PRMT8: variants seen among roughly 807,000 people sequenced by gnomAD.
PRMT8 encodes the protein protein arginine methyltransferase 8.
In PRMT8, 7 loss-of-function variants were observed where a neutral mutation model predicts 47.1. The ratio of observed to expected loss-of-function variants is 0.15; its 90% CI spans 0.08 to 0.28. PRMT8 has a LOEUF of 0.28. PRMT8 is among the 10% of genes least tolerant of loss of function. PRMT8 has a pLI of 1.00. For synonymous variants in PRMT8, 188 were observed against 186.5 expected (o/e 1.01, Z -0.07); for missense variants, 237 against 505.4 (o/e 0.47, Z 5.09).
chr12:3,592,719 C>T (rs1867334415), intron 9 of PRMT8, among the ~76,000 whole-genome samples: 1 of 152,202 alleles, frequency 6.6e-6, no homozygotes, highest in African/African-American at 2.4e-5. Flanking sequence ...TTCAGCTGGC[C>T]TGGTGCGAGG....
rs1344316099 is a variant in PRMT8 at position 3,449,786 on chromosome 12, T to C, written c.48+68344T>C. On this transcript the variant is annotated intron_variant, in intron 1 of 9. Transcript: ENST00000452611. ...GTTGCAATTGCTTTTGACGTTTTTG[T>C]CATGAAATCTTTGCCCCTGCCTGTG... 4.6e-5 allele frequency among the ~76,000 whole-genome samples: 7 copies of C among 152,234 alleles called. No homozygotes were observed. In the South Asian group the frequency reaches 6.2e-4, roughly 13 times the overall value.
At chr12:3,385,157 G>A (rs2137042635) in intron 1 of PRMT8, among the ~76,000 whole-genome samples, 1 of 152,288 alleles carries the variant, frequency 6.6e-6, no homozygotes, top group East Asian at 1.9e-4. Flanking sequence ...ATGAGACACA[G>A]TGTGCTAATT....
chr12:3,592,390 GC>G, intron 9 of PRMT8, 38 bp downstream of exon 9: 2 of 1,583,694 alleles, frequency 1.3e-6, no homozygotes, highest in Non-Finnish European at 1.7e-6. Flanking sequence ...AGGGAGAAGG[GC>G]CCCACAGAGC....
intron 4 of PRMT8, among the ~76,000 whole-genome samples, chr12:3,560,555 G>A (rs1421995532): frequency 1.3e-5 from 2 of 152,188 alleles, no homozygotes; most frequent in African/African-American, 4.8e-5. Flanking sequence ...TGCTTAAAAA[G>A]GTAGATTCAT....
intron 1 of PRMT8, among the ~76,000 whole-genome samples, chr12:3,386,347 C>T (rs1250399572): frequency 1.3e-5 from 2 of 152,170 alleles, no homozygotes; most frequent in Non-Finnish European, 2.9e-5. Context: ...TGATTTCTTC[C>T]TCATGATAGG....
chr12:3,417,674 T>G (rs901993475), intron 1 of PRMT8, among the ~76,000 whole-genome samples: 3 of 152,204 alleles, frequency 2.0e-5, no homozygotes, highest in Non-Finnish European at 4.4e-5. Context: ...ACTCAGCTCC[T>G]GAAACTTCAC....
chr12:3,437,315 A>G (rs1467080866), intron 1 of PRMT8, among the ~76,000 whole-genome samples: 3 of 152,092 alleles, frequency 2.0e-5, no homozygotes, highest in African/African-American at 7.2e-5. Context: ...ATAGCTACAT[A>G]CAGTTACATA....
rs146871482 is a variant in PRMT8, at chr12:3,457,081, T to G, written c.48+75639T>G. On this transcript the variant is annotated intron_variant, in intron 1 of 9. Transcript: ENST00000452611. Reference sequence around the variant, plus strand: ...AGAGTGCTGTTGTTTTGTTTTGTTTTGTTTTGTTTGCAGAGGAGGCATCTC... The same window carrying G: ...AGAGTGCTGTTGTTTTGTTTTGTTTGGTTTTGTTTGCAGAGGAGGCATCTC... 3.8e-3 allele frequency among the ~76,000 whole-genome samples: 573 copies of G among 152,282 alleles called. 7 individuals carry two copies. The highest frequency in any genetic ancestry group is 0.013 in the African/African-American group (534 of 41,542).
intron 4 of PRMT8, among the ~76,000 whole-genome samples, chr12:3,554,304 G>C (rs1866486023): frequency 6.6e-6 from 1 of 152,182 alleles, no homozygotes; most frequent in Admixed American, 6.5e-5. Context: ...CCTCTCTGGA[G>C]CCCATCTTGG....
At chr12:3,387,767 T>C (rs1408519873) in intron 1 of PRMT8, among the ~76,000 whole-genome samples, 1 of 152,240 alleles carries the variant, frequency 6.6e-6, no homozygotes, top group Non-Finnish European at 1.5e-5. Flanking sequence ...ATTTATTTCT[T>C]ACACCTAGTT....
At chr12:3,414,546 G>T (rs1424492804) in intron 1 of PRMT8, among the ~76,000 whole-genome samples, 1 of 152,188 alleles carries the variant, frequency 6.6e-6, no homozygotes, top group Non-Finnish European at 1.5e-5. Flanking sequence ...CTGGTCAGTT[G>T]CTTCTCTCTG....
chr12:3,437,627 T>TATAC (rs1864758593), intron 1 of PRMT8, among the ~76,000 whole-genome samples: 1 of 10,350 alleles, frequency 9.7e-5, no homozygotes, highest in Non-Finnish European at 4.8e-4. Flanking sequence ...TCAGGCTATA[T>TATAC]ATATATATAT....
At chr12:3,541,196 T>C (rs1027528053) in intron 2 of PRMT8, among the ~76,000 whole-genome samples, 1 of 152,220 alleles carries the variant, frequency 6.6e-6, no homozygotes, top group Non-Finnish European at 1.5e-5. Context: ...GAGGTCATGA[T>C]GTGCATTCTT....
chr12:3,419,177 AGG>A (rs1176112084), intron 1 of PRMT8, among the ~76,000 whole-genome samples: 2 of 152,216 alleles, frequency 1.3e-5, no homozygotes, highest in African/African-American at 4.8e-5. Context: ...GATTTGCTCA[AGG>A]TCACAAAGCT....
At chr12:3,406,431 G>A (rs1265812901) in intron 1 of PRMT8, among the ~76,000 whole-genome samples, 1 of 152,216 alleles carries the variant, frequency 6.6e-6, no homozygotes, top group Non-Finnish European at 1.5e-5. Context: ...TTTTTTCCCA[G>A]AAAATTGATT....
chr12:3,549,860 C>T (rs1301815660), intron 2 of PRMT8, 76 bp from the exon 3 acceptor site: 1 of 1,554,978 alleles, frequency 6.4e-7, no homozygotes, highest in African/African-American at 1.3e-5. Context: ...TGGGGTGGTC[C>T]AGGGGCTCAT....
chr12:3,511,568 A>G (rs1865714525), intron 1 of PRMT8, among the ~76,000 whole-genome samples: 1 of 151,966 alleles, frequency 6.6e-6, no homozygotes, highest in Non-Finnish European at 1.5e-5. Flanking sequence ...TTCCCTTCCC[A>G]GGCCTGGGTT....
intron 7 of PRMT8, among the ~76,000 whole-genome samples, chr12:3,578,317 G>C (rs920462435): frequency 3.9e-5 from 6 of 152,074 alleles, no homozygotes; most frequent in Non-Finnish European, 8.8e-5. Context: ...CAGCCTCACT[G>C]AGGCTCAGGT....
intron 4 of PRMT8, among the ~76,000 whole-genome samples, chr12:3,559,761 G>A (rs758810511): frequency 1.3e-5 from 2 of 152,200 alleles, no homozygotes; most frequent in Non-Finnish European, 2.9e-5. Context: ...CCCTTGCTGG[G>A]CAGCGTCCCA....
Sources: gnomAD v4.1 joint callset for allele counts (sites outside exome capture counted in the v4.1 genomes callset) on GRCh38, gnomAD v4.1.1 for gene constraint, MANE v1.5 for transcripts, NCBI Gene and HGNC (gene_info 2026-07-23, HGNC 2026-07-21) for gene names.